Variants in DEPDC4 observed in about 807,000 individuals in gnomAD.
DEPDC4 encodes DEP domain-containing protein 4.
In DEPDC4, 52 loss-of-function variants were observed where a neutral mutation model predicts 52.0. That is an observed-to-expected ratio of 1.00 (90% CI 0.80 to 1.26). The LOEUF (loss-of-function observed/expected upper bound fraction) is 1.26, where lower values mean the gene tolerates loss of function less well. Ranked by LOEUF, DEPDC4 falls within the 50% of genes most tolerant of loss-of-function variation. The pLI, the probability that DEPDC4 is intolerant of heterozygous loss-of-function variation, is 0.00. For missense variants in DEPDC4, 530 were observed against 546.9 expected (o/e 0.97, Z 0.31); for synonymous variants, 201 against 196.8 (o/e 1.02, Z -0.18).
the DEPDC4 span, among the ~76,000 whole-genome samples, chr12:100,274,311 G>GT: frequency 6.6e-6 from 1 of 152,126 alleles, no homozygotes; most frequent in Non-Finnish European, 1.5e-5. Flanking sequence ...CACAGCTGGA[G>GT]TTTTTTTGTC....
intron 3 of DEPDC4, among the ~76,000 whole-genome samples, chr12:100,258,445 A>G (rs184862789): frequency 1.3e-5 from 2 of 152,310 alleles, no homozygotes; most frequent in Admixed American, 1.3e-4. Context: ...TGAAATAAAA[A>G]AAACTTCTAG....
At position 100,267,046 on chromosome 12, in the gene DEPDC4, G is replaced by T. The variant is rs147456773; in HGVS notation, c.31C>A (p.Leu11Ile). Reference protein sequence around the residue: MVPGEEPARELMAVLLTPRFR... With the variant: MVPGEEPAREIMAVLLTPRFR... ...CTCGGAGTCAAAAGAACCGCCATAAGCTCGCGCGCTGGCTCCTCCCCTGGC... is the reference window on the plus strand; with the variant it reads ...CTCGGAGTCAAAAGAACCGCCATAATCTCGCGCGCTGGCTCCTCCCCTGGC... The change falls in exon 1 of 10, where the codon CTT (leucine) becomes ATT (isoleucine). Residue 11 changes from leucine to isoleucine, a missense_variant. Coordinates refer to ENST00000550587, the MANE Select transcript of DEPDC4 (RefSeq NM_001364818.2). The T allele has an allele frequency of 1.2e-6, 2 of 1,613,852 alleles. No homozygotes were observed. The highest frequency in any genetic ancestry group is 1.1e-5 in the South Asian group (1 of 90,996).
At chr12:100,235,098 C>T (rs1032150369), downstream of DEPDC4, among the ~76,000 whole-genome samples, 1 of 151,194 alleles carries the variant, frequency 6.6e-6, no homozygotes, top group Admixed American at 6.6e-5. Context: ...CATACATATA[C>T]ATATATATGT....
At chr12:100,260,740 T>A (rs1483913133) in intron 3 of DEPDC4, among the ~76,000 whole-genome samples, 2 of 150,198 alleles carry the variant, frequency 1.3e-5, no homozygotes, top group East Asian at 2.0e-4. Flanking sequence ...AATAAATAAA[T>A]AAAAAATTAG....
At chr12:100,237,409 T>C (rs188375684), downstream of DEPDC4, among the ~76,000 whole-genome samples, 21 of 152,278 alleles carry the variant, frequency 1.4e-4, no homozygotes, top group Middle Eastern at 3.4e-3. Flanking sequence ...GTTTTCACCA[T>C]GTTGGCCAGG....
chr12:100,263,632 T>C lies in DEPDC4; in HGVS notation c.419A>G (p.Lys140Arg). The C allele has an allele frequency of 1.9e-6, 3 of 1,614,170 alleles. No individual in the cohort carries two copies. The highest frequency in any genetic ancestry group is 2.5e-6 in the Non-Finnish European group (3 of 1,180,026). ...TAATTCCTTTTCTTTTTTGAAAAGC[T>C]TCTTCATTCCTACTGGTTCAAATAC... Reference protein sequence around the residue: ...HKVFEPVGMKKLFKKEKELEF... With the variant: ...HKVFEPVGMKRLFKKEKELEF... Residue 140 changes from lysine (K) to arginine (R), a missense_variant, in exon 2 of 10, where the codon AAG becomes AGG. Transcript: ENST00000550587.
chr12:100,246,337 C>A (rs542646673), intron 8 of DEPDC4, among the ~76,000 whole-genome samples: 1 of 152,218 alleles, frequency 6.6e-6, no homozygotes, highest in East Asian at 1.9e-4. Flanking sequence ...TCTCCTCTGG[C>A]TTGAACATAT....
At chr12:100,251,126 TG>T (rs2096205845) in intron 7 of DEPDC4, among the ~76,000 whole-genome samples, 1 of 152,088 alleles carries the variant, frequency 6.6e-6, no homozygotes, top group Non-Finnish European at 1.5e-5. Flanking sequence ...AAAAATAAAA[TG>T]GGGTCTTGCA....
Position 100,241,859 on chromosome 12 carries a change from A to AC in DEPDC4, c.*47-15_*47-14insG. On this transcript the variant is annotated splice_polypyrimidine_tract_variant and intron_variant, in intron 9 of 9. Transcript: ENST00000550587. The stretch of plus-strand genomic sequence containing the variant: ...AAAACGTAAAGCCTGGAAAAAAAAA[A>AC]AAAAAACAAAAGAAAAAGAAAAGTA... 1 of 1,199,804 alleles carries AC rather than the reference A, an allele frequency of 8.3e-7. No homozygotes were observed. Among genetic ancestry groups the AC allele is most frequent in the Non-Finnish European group, 1.1e-6 (1 of 950,666 alleles). 74.3% of individuals were successfully genotyped at this position (1,199,804 alleles called of 1,614,324 possible).
At chr12:100,253,301 T>G (rs951602837) in intron 5 of DEPDC4, among the ~76,000 whole-genome samples, 188 bp downstream of exon 5, 3 of 151,882 alleles carry the variant, frequency 2.0e-5, no homozygotes, top group Non-Finnish European at 4.4e-5. Context: ...TAGTTACATT[T>G]GATAATATAA....
At chr12:100,276,527 A>G in the DEPDC4 span, among the ~76,000 whole-genome samples, 69 of 152,154 alleles carry the variant, frequency 4.5e-4, 2 homozygotes, top group South Asian at 0.014. Context: ...TTGTAGAAAC[A>G]GGGTCTCCTT....
chr12:100,249,616 G>T (rs1037755749), intron 7 of DEPDC4, among the ~76,000 whole-genome samples: 1 of 152,152 alleles, frequency 6.6e-6, no homozygotes, highest in Non-Finnish European at 1.5e-5. Context: ...TGTTACAGAG[G>T]GCATGCCCTA....
At chr12:100,281,035 T>G in the DEPDC4 span, among the ~76,000 whole-genome samples, 4 of 136,008 alleles carry the variant, frequency 2.9e-5, no homozygotes, top group African/African-American at 1.1e-4. Flanking sequence ...TTTTTTTTTT[T>G]TTTTTTTTTT....
At chr12:100,244,139 A>ACAC (rs1592871501) in intron 8 of DEPDC4, among the ~76,000 whole-genome samples, 1 of 134,870 alleles carries the variant, frequency 7.4e-6, no homozygotes, top group African/African-American at 2.7e-5. Context: ...ATATATACAC[A>ACAC]AAATACAATA....
In DEPDC4 at chr12:100,252,490, T is replaced by C; in HGVS notation, c.1152A>G (p.Leu384=). The C allele has an allele frequency of 6.2e-7, 1 of 1,609,912 alleles. No homozygotes were observed. Among genetic ancestry groups the C allele is most frequent in the Non-Finnish European group, 8.5e-7 (1 of 1,179,788 alleles). The change falls in exon 6 of 10, where the codon CTA becomes CTG. Residue 384 remains leucine (L), a synonymous_variant. Coordinates refer to ENST00000550587, the MANE Select transcript of DEPDC4 (RefSeq NM_001364818.2). ...CTCTAATGTTCAGCAACAGCAATCT[T>C]AGATATAGTTGTGTTGCTTCAAGTG... ...AEALEATQLY[L]RLLLLNIREE...
At chr12:100,244,753 C>T (rs931200738) in intron 8 of DEPDC4, among the ~76,000 whole-genome samples, 25 of 151,204 alleles carry the variant, frequency 1.7e-4, no homozygotes, top group African/African-American at 6.1e-4. Context: ...TGAGCCGCTG[C>T]ACCCAACCCA....
chr12:100,265,636 C>A (rs894392062), intron 1 of DEPDC4, among the ~76,000 whole-genome samples: 1 of 152,120 alleles, frequency 6.6e-6, no homozygotes, highest in African/African-American at 2.4e-5. Context: ...TATACCCTTA[C>A]TATAGAATAG....
chr12:100,267,180 CT>C (rs1336828857), upstream of DEPDC4: 10 of 1,254,872 alleles, frequency 8.0e-6, no homozygotes, highest in African/African-American at 1.5e-5. Context: ...GTCTTTTAGT[CT>C]TTTTCCCCCT....
Position 100,264,239 on chromosome 12 carries a change from A to AT in DEPDC4, c.158-347dup, listed in dbSNP as rs554685433. On this transcript the variant is annotated intron_variant, in intron 1 of 9. Coordinates refer to ENST00000550587, the MANE Select transcript of DEPDC4 (RefSeq NM_001364818.2). ...GTAATGCAAATACACTTGAGTATTG[A>AT]TTATTACAGAGTTGTGGCTTCACCA... is the stretch of plus-strand genomic sequence containing the variant. Among the ~76,000 whole-genome samples, 96 of 152,308 alleles carry AT rather than the reference A, an allele frequency of 6.3e-4. 1 individual carries two copies. Among genetic ancestry groups the AT allele is most frequent in the African/African-American group, 2.3e-3 (96 of 41,564 alleles).
Sources: allele counts gnomAD v4.1 joint callset (sites outside exome capture counted in the v4.1 genomes callset), GRCh38; gene constraint gnomAD v4.1.1; transcripts MANE v1.5; gene names NCBI Gene and HGNC (gene_info 2026-07-23, HGNC 2026-07-21).